MYO1E: variants seen among roughly 807,000 people sequenced by gnomAD.
MYO1E encodes the protein myosin IE, also known as unconventional myosin-Ie.
Under a neutral mutation model 151.1 loss-of-function variants are expected in MYO1E, and 68 were observed. The observed-to-expected ratio is 0.45, with a 90% confidence interval of 0.37 to 0.55. The LOEUF (loss-of-function observed/expected upper bound fraction) is 0.55. Ranked by LOEUF, MYO1E falls within the 20% of genes least tolerant of loss-of-function variation. MYO1E has a pLI of 0.00. For missense variants in MYO1E, 1,363 were observed against 1,389.3 expected, an observed-to-expected ratio of 0.98 and a Z score of 0.30; for synonymous variants, 601 against 501.7, an observed-to-expected ratio of 1.20 and a Z score of -2.64.
In MYO1E at chr15:59,319,550, CTTTTTTTTTTTTT is replaced by C. The variant is rs59491381; in HGVS notation, c.4-47114_4-47102del. 9.3e-4 allele frequency among the ~76,000 whole-genome samples: 59 copies of C among 63,730 alleles called. No homozygotes were observed. In the South Asian group the frequency reaches 0.021, roughly 23 times the overall value. 41.8% of individuals were successfully genotyped at this position (63,730 alleles called of 152,430 possible). On this transcript the variant is annotated intron_variant, in intron 1 of 27. Coordinates refer to ENST00000288235, the MANE Select transcript of MYO1E (RefSeq NM_004998.4). ...AAGATAGGAAAAGAAGTCAAACTAC[CTTTTTTTTTTTTT>C]TTTTTTTTTTTTTTTTTTGGCTGAT...
chr15:59,289,430 C>T (rs2080406356), intron 1 of MYO1E, among the ~76,000 whole-genome samples: 1 of 152,154 alleles, frequency 6.6e-6, no homozygotes, highest in Non-Finnish European at 1.5e-5. Flanking sequence ...TCAATTTCAT[C>T]TTAGTTTTTA....
rs546836004 is a variant in MYO1E at position 59,218,657 on chromosome 15, T to A, written c.911-570A>T. On this transcript the variant is annotated intron_variant, in intron 9 of 27. Coordinates refer to ENST00000288235, the MANE Select transcript of MYO1E (RefSeq NM_004998.4). ...TAAGAAATCTTGAATGCAATCTAGA[T>A]GAGGCAAAAATAGTTTGCCAAATAA... Among the ~76,000 whole-genome samples the A allele has an allele frequency of 1.3e-4, 20 of 152,260 alleles. No homozygotes were observed. In the South Asian group the frequency reaches 3.7e-3, roughly 28 times the overall value.
intron 18 of MYO1E, among the ~76,000 whole-genome samples, chr15:59,179,749 A>AT (rs1252642270): frequency 1.3e-4 from 20 of 152,280 alleles, no homozygotes; most frequent in African/African-American, 4.8e-4. Context: ...TCTTTTAAAG[A>AT]TTATCCAGTC....
intron 1 of MYO1E, among the ~76,000 whole-genome samples, chr15:59,293,318 G>A (rs2080430575): frequency 6.6e-6 from 1 of 152,090 alleles, no homozygotes; most frequent in Non-Finnish European, 1.5e-5. Context: ...ATGCTGGCAT[G>A]ATTATTAACT....
At chr15:59,172,878 C>T (rs528198071) in intron 21 of MYO1E, among the ~76,000 whole-genome samples, 95 of 152,256 alleles carry the variant, frequency 6.2e-4, no homozygotes, top group Non-Finnish European at 1.0e-3. Flanking sequence ...GCATCCAGGG[C>T]TGCCGTCACA....
intron 4 of MYO1E, among the ~76,000 whole-genome samples, chr15:59,244,774 C>A (rs1054633196): frequency 6.6e-6 from 1 of 152,172 alleles, no homozygotes; most frequent in Non-Finnish European, 1.5e-5. Context: ...GACAGCAATA[C>A]CTAGTTTGCT....
chr15:59,213,985 C>G (rs1000974367), intron 12 of MYO1E, among the ~76,000 whole-genome samples: 4 of 152,296 alleles, frequency 2.6e-5, no homozygotes, highest in Non-Finnish European at 5.9e-5. Context: ...GTAAAAGCAG[C>G]CAGTCTTACC....
At chr15:59,183,348 GTT>G (rs34330073) in intron 18 of MYO1E, among the ~76,000 whole-genome samples, 66 of 146,430 alleles carry the variant, frequency 4.5e-4, no homozygotes, top group East Asian at 4.0e-4. Context: ...GTTTGATCAG[GTT>G]TTTTTTTTTT....
chr15:59,226,687 G>C (rs1300138478), intron 7 of MYO1E, among the ~76,000 whole-genome samples: 2 of 152,164 alleles, frequency 1.3e-5, no homozygotes, highest in East Asian at 3.8e-4. Flanking sequence ...TGTGCCTATA[G>C]TCCCAGCTAC....
At chr15:59,294,173 T>C (rs76697076) in intron 1 of MYO1E, among the ~76,000 whole-genome samples, 6,669 of 152,254 alleles carry the variant, frequency 0.044, 422 homozygotes, top group African/African-American at 0.14. Flanking sequence ...TTAAACATTT[T>C]ATATCACCCC....
chr15:59,226,119 T>C (rs1339288725), intron 7 of MYO1E, among the ~76,000 whole-genome samples: 1 of 152,252 alleles, frequency 6.6e-6, no homozygotes, highest in African/African-American at 2.4e-5. Context: ...GGGTATTATT[T>C]ATGTGAAATA....
intron 1 of MYO1E, among the ~76,000 whole-genome samples, chr15:59,339,918 G>A (rs1301902579): frequency 6.6e-6 from 1 of 151,418 alleles, no homozygotes; most frequent in East Asian, 1.9e-4. Context: ...CACAATCCCG[G>A]CTTACTGCAA....
chr15:59,328,233 G>T (rs929809491), intron 1 of MYO1E, among the ~76,000 whole-genome samples: 1 of 152,194 alleles, frequency 6.6e-6, no homozygotes, highest in East Asian at 1.9e-4. Flanking sequence ...TGTGAGAGTG[G>T]AGTAGTACAT....
At chr15:59,288,230 C>T (rs2080398633) in intron 1 of MYO1E, among the ~76,000 whole-genome samples, 3 of 152,140 alleles carry the variant, frequency 2.0e-5, no homozygotes, top group African/African-American at 7.2e-5. Flanking sequence ...GGCTAGAGTG[C>T]AGTGGTGTGA....
At chr15:59,317,351 T>A (rs189235667) in intron 1 of MYO1E, among the ~76,000 whole-genome samples, 3 of 152,280 alleles carry the variant, frequency 2.0e-5, no homozygotes, top group Non-Finnish European at 2.9e-5. Flanking sequence ...TGGAACAAGG[T>A]GCCAAAAGCT....
At chr15:59,195,437 A>C in intron 17 of MYO1E, 24 bp downstream of exon 17, 2 of 1,587,896 alleles carry the variant, frequency 1.3e-6, no homozygotes, top group Non-Finnish European at 8.6e-7. Context: ...TCCCGGCCCC[A>C]CCTAAGCCGG....
chr15:59,281,187 G>A (rs2080351104), intron 1 of MYO1E, among the ~76,000 whole-genome samples: 1 of 152,098 alleles, frequency 6.6e-6, no homozygotes, highest in African/African-American at 2.4e-5. Context: ...GCAGAAAGGT[G>A]TCCCACCCTC....
intron 27 of MYO1E, 66 bp downstream of exon 27, chr15:59,138,132 G>T (rs1189363805): frequency 1.6e-5 from 25 of 1,572,392 alleles, no homozygotes; most frequent in Non-Finnish European, 2.2e-5. Context: ...TTTCACACTA[G>T]ATCTTACAGC....
chr15:59,343,443 T>C (rs571690902), intron 1 of MYO1E, among the ~76,000 whole-genome samples: 2 of 152,316 alleles, frequency 1.3e-5, no homozygotes, highest in African/African-American at 2.4e-5. Context: ...ATCCTTTCTT[T>C]ATCCTTGACC....
Sources: gnomAD v4.1 joint callset for allele counts (sites outside exome capture counted in the v4.1 genomes callset) on GRCh38, gnomAD v4.1.1 for gene constraint, MANE v1.5 for transcripts, NCBI Gene and HGNC (gene_info 2026-07-23, HGNC 2026-07-21) for gene names.